Variants in FGF14 observed in about 807,000 individuals in gnomAD.
The protein encoded by FGF14 is fibroblast growth factor 14.
Under a neutral mutation model 25.5 loss-of-function variants are expected in FGF14, and 5 were observed. The observed-to-expected ratio is 0.20, with a 90% CI of 0.10 to 0.41. The LOEUF (loss-of-function observed/expected upper bound fraction) is 0.41, where lower values mean the gene tolerates loss of function less well. Ranked by LOEUF, FGF14 falls within the 10% of genes least tolerant of loss-of-function variation. The pLI, the probability that FGF14 is intolerant of heterozygous loss-of-function variation, is 1.00. For missense variants in FGF14, 222 were observed against 320.1 expected (o/e 0.69, Z 2.34); for synonymous variants, 138 against 118.3 (o/e 1.17, Z -1.08).
At chr13:102,051,927 T>C (rs993580885) in intron 1 of FGF14, among the ~76,000 whole-genome samples, 2 of 152,106 alleles carry the variant, frequency 1.3e-5, no homozygotes, top group African/African-American at 4.8e-5. Context: ...GAAATGGAGA[T>C]ATATTAAATG....
chr13:101,899,488 T>C (rs1453772280), intron 1 of FGF14, among the ~76,000 whole-genome samples: 1 of 151,960 alleles, frequency 6.6e-6, no homozygotes, highest in Non-Finnish European at 1.5e-5. Flanking sequence ...GTAAATTCAA[T>C]GGATGAGTTC....
intron 1 of FGF14, among the ~76,000 whole-genome samples, chr13:102,278,645 T>TATATAC (rs1452733538): frequency 5.8e-4 from 85 of 147,040 alleles, no homozygotes; most frequent in African/African-American, 1.8e-3. Context: ...TATATATATA[T>TATATAC]ACATACACAC....
intron 1 of FGF14, among the ~76,000 whole-genome samples, chr13:101,928,298 A>G (rs977798924): frequency 2.6e-5 from 4 of 152,246 alleles, no homozygotes; most frequent in African/African-American, 9.6e-5. Context: ...TTTAGTACAT[A>G]TTAACATAAT....
intron 1 of FGF14, among the ~76,000 whole-genome samples, chr13:102,347,621 G>T (rs530698251): frequency 6.6e-6 from 1 of 152,250 alleles, no homozygotes; most frequent in South Asian, 2.1e-4. Flanking sequence ...TCCTAACAGC[G>T]CTGGCAATCC....
chr13:101,770,021 G>A (rs2038660043), intron 3 of FGF14, among the ~76,000 whole-genome samples: 2 of 152,132 alleles, frequency 1.3e-5, no homozygotes, highest in African/African-American at 4.8e-5. Flanking sequence ...TCTGGTGGGG[G>A]ATGTTGGTAA....
At chr13:101,774,376 G>C (rs1004887023) in intron 3 of FGF14, among the ~76,000 whole-genome samples, 41 of 152,268 alleles carry the variant, frequency 2.7e-4, no homozygotes, top group African/African-American at 9.6e-4. Context: ...TCGAGATCCA[G>C]AGTCTTTCAC....
At chr13:101,746,320 G>GT (rs772741265) in intron 3 of FGF14, among the ~76,000 whole-genome samples, 3 of 151,972 alleles carry the variant, frequency 2.0e-5, no homozygotes, top group Non-Finnish European at 4.4e-5. Context: ...GATGTAAAAG[G>GT]CATGTAGAGA....
intron 1 of FGF14, among the ~76,000 whole-genome samples, chr13:101,968,177 G>A (rs554290324): frequency 6.6e-6 from 1 of 152,266 alleles, no homozygotes; most frequent in East Asian, 1.9e-4. Context: ...GATAAATCTT[G>A]TCTAAGAAAT....
At chr13:101,779,619 G>A (rs2140020906) in intron 3 of FGF14, among the ~76,000 whole-genome samples, 1 of 152,174 alleles carries the variant, frequency 6.6e-6, no homozygotes, top group South Asian at 2.1e-4. Flanking sequence ...ACAGATAAAA[G>A]ACACATGAAT....
chr13:102,243,407 T>C (rs1216423666), intron 1 of FGF14, among the ~76,000 whole-genome samples: 1 of 152,064 alleles, frequency 6.6e-6, no homozygotes, highest in Admixed American at 6.6e-5. Context: ...AAGTCCAAAA[T>C]AGATTATGTA....
intron 1 of FGF14, among the ~76,000 whole-genome samples, chr13:102,376,278 A>G (rs1051100542): frequency 5.9e-5 from 9 of 152,296 alleles, no homozygotes; most frequent in African/African-American, 1.9e-4. Flanking sequence ...CTTGCCTGTC[A>G]CCATGTAAGA....
intron 1 of FGF14, among the ~76,000 whole-genome samples, chr13:101,876,107 T>C (rs1217234185): frequency 3.3e-5 from 5 of 152,188 alleles, no homozygotes; most frequent in African/African-American, 4.8e-5. Flanking sequence ...TGGAAGTTTA[T>C]TTAAACAAAA....
At chr13:102,373,212 C>A (rs1030630919) in intron 1 of FGF14, among the ~76,000 whole-genome samples, 3 of 152,132 alleles carry the variant, frequency 2.0e-5, no homozygotes, top group African/African-American at 7.2e-5. Flanking sequence ...TCTGAAAATT[C>A]TTCTCTAAAA....
At chr13:102,074,443 A>G (rs368005618) in intron 1 of FGF14, among the ~76,000 whole-genome samples, 40 of 152,338 alleles carry the variant, frequency 2.6e-4, no homozygotes, top group African/African-American at 9.1e-4. Flanking sequence ...ACCTGGAAAA[A>G]TACAACTATT....
intron 1 of FGF14, among the ~76,000 whole-genome samples, chr13:102,201,824 T>C (rs16959941): frequency 0.43 from 64,705 of 152,018 alleles, 14,098 homozygotes; most frequent in Middle Eastern, 0.54. Context: ...TTTCTGTTAC[T>C]GGGGGACGGA....
chr13:102,109,454 A>G (rs2045105368), intron 1 of FGF14, among the ~76,000 whole-genome samples: 1 of 152,230 alleles, frequency 6.6e-6, no homozygotes, highest in African/African-American at 2.4e-5. Context: ...GTTAATGCAC[A>G]TGTAATTAGT....
At chr13:102,086,023 A>G (rs1231779577) in intron 1 of FGF14, among the ~76,000 whole-genome samples, 1 of 152,256 alleles carries the variant, frequency 6.6e-6, no homozygotes, top group African/African-American at 2.4e-5. Flanking sequence ...TCCAAGGTCC[A>G]TAGAGCAAGC....
intron 3 of FGF14, among the ~76,000 whole-genome samples, chr13:101,860,589 T>G (rs1051932089): frequency 1.3e-5 from 2 of 152,044 alleles, no homozygotes; most frequent in Non-Finnish European, 2.9e-5. Context: ...CCTTTTTTGA[T>G]TTTTAGAAAT....
intron 3 of FGF14, among the ~76,000 whole-genome samples, chr13:101,743,870 A>G (rs1472893548): frequency 3.9e-5 from 6 of 152,124 alleles, no homozygotes; most frequent in Admixed American, 2.0e-4. Flanking sequence ...AATTGCATCA[A>G]GTATTTAAAA....
Sources: gnomAD v4.1 joint callset for allele counts (sites outside exome capture counted in the v4.1 genomes callset) on GRCh38, gnomAD v4.1.1 for gene constraint, MANE v1.5 for transcripts, NCBI Gene and HGNC (gene_info 2026-07-23, HGNC 2026-07-21) for gene names.